PCNX1: variants seen among roughly 807,000 people sequenced by gnomAD.
PCNX1 encodes pecanex 1.
Under a neutral mutation model 242.2 loss-of-function variants are expected in PCNX1, and 78 were observed. The observed-to-expected ratio is 0.32, with a 90% CI of 0.27 to 0.39. The LOEUF (loss-of-function observed/expected upper bound fraction) is 0.39. Among genes scored for constraint, PCNX1 ranks in the 10% least tolerant of loss-of-function variants. PCNX1 has a pLI of 1.00. For synonymous variants in PCNX1, 1,024 were observed against 1,032.9 expected (o/e 0.99, Z 0.17); for missense variants, 2,581 against 2,856.5 (o/e 0.90, Z 2.20).
chr14:71,066,606 C>G (rs1276800899), intron 26 of PCNX1, among the ~76,000 whole-genome samples: 1 of 152,182 alleles, frequency 6.6e-6, no homozygotes, highest in African/African-American at 2.4e-5. Flanking sequence ...TTATTTCTTT[C>G]TCTTGGCTGA....
At chr14:71,060,370 C>G (rs1246028607) in intron 26 of PCNX1, among the ~76,000 whole-genome samples, 5 of 151,960 alleles carry the variant, frequency 3.3e-5, no homozygotes, top group Non-Finnish European at 7.4e-5. Context: ...AGAATGTACT[C>G]CTTGTACTTA....
rs76306186 is a variant in PCNX1, at chr14:70,983,634, G to A, written c.2312-4933G>A. Among the ~76,000 whole-genome samples, 154 of 151,476 alleles carry A rather than the reference G, an allele frequency of 1.0e-3. 3 individuals carry two copies. In the East Asian group the frequency reaches 0.026, roughly 25 times the overall value. ...AATAATTTTGTTACTGTTTGCTCTG[G>A]TTCCTTGGCTTGTCAAAAAGTAGGC... On this transcript the variant is annotated intron_variant, in intron 6 of 35. Transcript: ENST00000304743.
At chr14:71,050,610 G>GTTT (rs538845223) in intron 22 of PCNX1, 42 bp from the exon 23 acceptor site, 377 of 1,296,604 alleles carry the variant, frequency 2.9e-4, no homozygotes, top group South Asian at 7.4e-4. Flanking sequence ...TATCTGATAA[G>GTTT]TTTTTTTTTT....
intron 1 of PCNX1, among the ~76,000 whole-genome samples, chr14:70,934,835 A>C (rs1433936161): frequency 6.6e-6 from 1 of 152,240 alleles, no homozygotes; most frequent in Non-Finnish European, 1.5e-5. Context: ...AAAGTTCTGC[A>C]GATAAGTTGC....
chr14:70,953,050 T>C (rs1029568796), intron 2 of PCNX1, among the ~76,000 whole-genome samples: 7 of 152,162 alleles, frequency 4.6e-5, no homozygotes, highest in Non-Finnish European at 1.5e-5. Context: ...GGAGGACAGC[T>C]TGAAGCCAGG....
chr14:70,916,950 A>G (rs1383972540), intron 1 of PCNX1, among the ~76,000 whole-genome samples: 3 of 152,314 alleles, frequency 2.0e-5, no homozygotes, highest in Non-Finnish European at 4.4e-5. Context: ...GTAATATTCT[A>G]GATCTTTTGT....
intron 8 of PCNX1, among the ~76,000 whole-genome samples, chr14:71,008,581 G>A (rs572566355): frequency 1.7e-4 from 25 of 150,378 alleles, no homozygotes; most frequent in African/African-American, 5.9e-4. Context: ...GTGTGAACCC[G>A]GGAGGCAGAG....
intron 6 of PCNX1, among the ~76,000 whole-genome samples, chr14:70,980,803 A>C (rs888681983): frequency 6.6e-6 from 1 of 152,150 alleles, no homozygotes; most frequent in African/African-American, 2.4e-5. Flanking sequence ...CCTTCCTTAC[A>C]TACTGTACTA....
At chr14:70,951,330 CAGTATTTT>C (rs2140362333) in intron 2 of PCNX1, among the ~76,000 whole-genome samples, 1 of 151,788 alleles carries the variant, frequency 6.6e-6, no homozygotes, top group African/African-American at 2.4e-5. Context: ...TGAGTGACTC[CAGTATTTT>C]ACTTTTTTGA....
intron 6 of PCNX1, among the ~76,000 whole-genome samples, chr14:70,986,732 C>G (rs1021932679): frequency 6.6e-6 from 1 of 152,022 alleles, no homozygotes; most frequent in African/African-American, 2.4e-5. Context: ...TTTTACTCTG[C>G]TATTTTGGCT....
chr14:70,987,756 G>A (rs1595148859), intron 6 of PCNX1, among the ~76,000 whole-genome samples: 1 of 152,250 alleles, frequency 6.6e-6, no homozygotes, highest in South Asian at 2.1e-4. Flanking sequence ...CTAAGCCATT[G>A]TTGTGATGTT....
chr14:71,003,080 C>CTTTTTTTTTTTTTGTTTTTTTTT (rs2059553599), intron 8 of PCNX1, among the ~76,000 whole-genome samples: 1 of 95,474 alleles, frequency 1.0e-5, no homozygotes, highest in African/African-American at 4.7e-5. Context: ...TGGTTGTCTT[C>CTTTTTTTTTTTTTGTTTTTTTTT]TTTTTTTTTT....
intron 1 of PCNX1, among the ~76,000 whole-genome samples, chr14:70,922,891 A>G (rs1457524265): frequency 2.0e-5 from 3 of 152,120 alleles, no homozygotes; most frequent in Non-Finnish European, 2.9e-5. Context: ...CACATTTAAA[A>G]TCAAACTAGA....
chr14:70,958,363 T>A (rs2058070865), intron 2 of PCNX1, among the ~76,000 whole-genome samples: 1 of 152,200 alleles, frequency 6.6e-6, no homozygotes, highest in Non-Finnish European at 1.5e-5. Flanking sequence ...GAGTTCAAAC[T>A]GCTATAATGT....
At position 71,051,941 on chromosome 14, in the gene PCNX1, C is replaced by T. The variant is rs550927621; in HGVS notation, c.4506C>T (p.Asn1502=). The change falls in exon 24 of 36, where the codon AAC becomes AAT. Residue 1502 remains asparagine, a synonymous_variant. Coordinates refer to ENST00000304743, the MANE Select transcript of PCNX1 (RefSeq NM_014982.3). Reference sequence around the variant, plus strand: ...CGGCCTTCTTCTCTACTCCACTGAACCCCTTTCTGGGAAGTGCAATATTCA... The same window carrying T: ...CGGCCTTCTTCTCTACTCCACTGAATCCCTTTCTGGGAAGTGCAATATTCA... The part of the protein sequence containing the change: ...AVSAFFSTPL[N]PFLGSAIFIT... The T allele has an allele frequency of 5.6e-6, 9 of 1,613,472 alleles. No individual in the cohort carries two copies. The South Asian group carries it at 9.9e-5, about 18-fold the overall frequency.
At chr14:71,055,325 T>TTTA (rs2061152624) in intron 24 of PCNX1, among the ~76,000 whole-genome samples, 179 bp from the exon 25 acceptor site, 2 of 152,336 alleles carry the variant, frequency 1.3e-5, no homozygotes, top group South Asian at 4.1e-4. Context: ...GAATTTTTTT[T>TTTA]TAATTTCCAA....
At chr14:70,928,773 A>T (rs1001839008) in intron 1 of PCNX1, among the ~76,000 whole-genome samples, 1 of 152,216 alleles carries the variant, frequency 6.6e-6, no homozygotes, top group Non-Finnish European at 1.5e-5. Context: ...CCATCCGGAT[A>T]ATACTGGGAG....
chr14:70,942,536 A>G (rs962801043), intron 1 of PCNX1, among the ~76,000 whole-genome samples: 17 of 152,206 alleles, frequency 1.1e-4, no homozygotes, highest in Admixed American at 2.6e-4. Flanking sequence ...CAGGTGCTTC[A>G]GCAGATACCA....
chr14:70,945,485 T>C (rs147312158), intron 1 of PCNX1, among the ~76,000 whole-genome samples: 1 of 151,828 alleles, frequency 6.6e-6, no homozygotes, highest in South Asian at 2.1e-4. Context: ...ATATACCTAT[T>C]ATGCCGACAC....
Sources: allele counts gnomAD v4.1 joint callset (sites outside exome capture counted in the v4.1 genomes callset), GRCh38; gene constraint gnomAD v4.1.1; transcripts MANE v1.5; gene names NCBI Gene and HGNC (gene_info 2026-07-23, HGNC 2026-07-21).